ETV6: variants seen among roughly 807,000 people sequenced by gnomAD.
The protein encoded by ETV6 is ETS variant transcription factor 6, also known as transcription factor ETV6.
Under a neutral mutation model 51.1 loss-of-function variants are expected in ETV6, and 16 were observed. That is an observed-to-expected ratio of 0.31 (90% CI 0.21 to 0.48). The LOEUF is 0.48. Among genes scored for constraint, ETV6 ranks in the 20% least tolerant of loss-of-function variants. The probability of loss-of-function intolerance (pLI) is 0.99; values close to 1 mark genes in which losing one functional copy is unlikely to be tolerated. For synonymous variants in ETV6, 240 were observed against 224.1 expected, an observed-to-expected ratio of 1.07 and a Z score of -0.64; for missense variants, 458 against 594.8, an observed-to-expected ratio of 0.77 and a Z score of 2.39.
chr12:11,891,823 A>G lies in ETV6; in HGVS notation c.*777A>G, dbSNP rs1947292306. 2 of 336,188 alleles carry G rather than the reference A, an allele frequency of 5.9e-6. No homozygotes were observed. Among genetic ancestry groups the G allele is most frequent in the South Asian group, 3.9e-5 (1 of 25,744 alleles). The allele number at this position is 336,188 out of a possible 1,614,324, so 20.8% of individuals were successfully genotyped here. Reference sequence around the variant, plus strand: ...CTTTGTGGCCAGCAGCACAGAATCAAACCCGCATCCCAGCATTGGGCCACC... The same window carrying G: ...CTTTGTGGCCAGCAGCACAGAATCAGACCCGCATCCCAGCATTGGGCCACC... On this transcript the variant is annotated 3_prime_UTR_variant, in exon 8 of 8. Transcript: ENST00000396373.
intron 2 of ETV6, among the ~76,000 whole-genome samples, chr12:11,784,250 T>C (rs1034716206): frequency 1.3e-5 from 2 of 152,050 alleles, no homozygotes; most frequent in Non-Finnish European, 2.9e-5. Context: ...GCCAACATGT[T>C]GAAACCCCGT....
At chr12:11,842,511 C>T (rs986658914) in intron 3 of ETV6, among the ~76,000 whole-genome samples, 1 of 152,012 alleles carries the variant, frequency 6.6e-6, no homozygotes, top group African/African-American at 2.4e-5. Flanking sequence ...TCAATGTGGG[C>T]AGTGATTGTG....
chr12:11,712,008 G>A (rs1313970086), intron 1 of ETV6, among the ~76,000 whole-genome samples: 1 of 152,068 alleles, frequency 6.6e-6, no homozygotes, highest in East Asian at 1.9e-4. Flanking sequence ...ATTCTAGCCT[G>A]GCATCTGCGA....
At chr12:11,888,414 T>TTTTTTTTC (rs1947236122) in intron 7 of ETV6, among the ~76,000 whole-genome samples, 1 of 145,248 alleles carries the variant, frequency 6.9e-6, no homozygotes, top group African/African-American at 2.6e-5. Flanking sequence ...TTTTTTTTTT[T>TTTTTTTTC]AGACAGAGCC....
chr12:11,882,848 C>A (rs1424574868), intron 5 of ETV6, among the ~76,000 whole-genome samples: 3 of 152,240 alleles, frequency 2.0e-5, no homozygotes, highest in African/African-American at 7.2e-5. Context: ...CAAGTCTCAA[C>A]TGGACACTCC....
At chr12:11,765,670 C>G (rs982084030) in intron 2 of ETV6, among the ~76,000 whole-genome samples, 1 of 151,994 alleles carries the variant, frequency 6.6e-6, no homozygotes, top group African/African-American at 2.4e-5. Context: ...TGAGATATCT[C>G]CCCCTTCCTT....
intron 1 of ETV6, among the ~76,000 whole-genome samples, chr12:11,675,304 G>A (rs963800358): frequency 1.3e-5 from 2 of 152,212 alleles, no homozygotes; most frequent in African/African-American, 2.4e-5. Context: ...CAAAAATAAA[G>A]CAAATAAACA....
chr12:11,745,568 T>C (rs940923933), intron 1 of ETV6, among the ~76,000 whole-genome samples: 1 of 152,208 alleles, frequency 6.6e-6, no homozygotes, highest in African/African-American at 2.4e-5. Context: ...CTCTTGGGAA[T>C]GTGCATCTTT....
At chr12:11,651,319 C>G (rs1236974583) in intron 1 of ETV6, among the ~76,000 whole-genome samples, 1 of 152,154 alleles carries the variant, frequency 6.6e-6, no homozygotes, top group African/African-American at 2.4e-5. Flanking sequence ...AAAACCCTTC[C>G]TGGTTTAACA....
At chr12:11,681,355 G>T (rs139920111) in intron 1 of ETV6, among the ~76,000 whole-genome samples, 145 of 152,190 alleles carry the variant, frequency 9.5e-4, no homozygotes, top group African/African-American at 3.1e-3. Flanking sequence ...CTGCTGTGTT[G>T]TTGGTATTTT....
chr12:11,888,378 T>TTTTTC lies in ETV6; in HGVS notation c.1253+2372_1253+2376dup, dbSNP rs1213180522. Among the ~76,000 whole-genome samples the TTTTTC allele has an allele frequency of 2.3e-3, 319 of 136,008 alleles. 48 individuals are homozygous for TTTTTC. The Middle Eastern group carries it at 0.027, about 11-fold the overall frequency. 89.2% of individuals were successfully genotyped at this position (136,008 alleles called of 152,430 possible). A position where few individuals can be genotyped will look rare whatever the true frequency, so the allele number is the denominator to read the frequency against. On this transcript the variant is annotated intron_variant, in intron 7 of 7. Transcript: ENST00000396373. ...AGCCCTTAACTACACTACAATTTGCTTTTTCTTTTCTTTTCTTTTCTTTTT... is the reference window on the plus strand; with the variant it reads ...AGCCCTTAACTACACTACAATTTGCTTTTTCTTTTCTTTTCTTTTCTTTTCTTTTT...
intron 7 of ETV6, among the ~76,000 whole-genome samples, chr12:11,888,839 C>T (rs556124793): frequency 1.8e-4 from 27 of 152,116 alleles, no homozygotes; most frequent in African/African-American, 5.8e-4. Context: ...GTAGCTAGAG[C>T]GACTACAGGA....
intron 1 of ETV6, among the ~76,000 whole-genome samples, chr12:11,707,894 A>C (rs1478796820): frequency 1.3e-5 from 2 of 152,218 alleles, no homozygotes; most frequent in Non-Finnish European, 2.9e-5. Flanking sequence ...TGGTTATGAT[A>C]ATTTTAATCT....
At chr12:11,780,489 T>G (rs927776470) in intron 2 of ETV6, among the ~76,000 whole-genome samples, 1 of 152,142 alleles carries the variant, frequency 6.6e-6, no homozygotes, top group Non-Finnish European at 1.5e-5. Flanking sequence ...GGAGGTATAT[T>G]GGGCAGCTCA....
chr12:11,880,590 A>T (rs1470097350), intron 5 of ETV6, among the ~76,000 whole-genome samples: 1 of 152,210 alleles, frequency 6.6e-6, no homozygotes, highest in Non-Finnish European at 1.5e-5. Flanking sequence ...CAACAGAAAC[A>T]TGCAGTGAAA....
At chr12:11,817,751 G>T (rs1946013854) in intron 2 of ETV6, among the ~76,000 whole-genome samples, 1 of 152,146 alleles carries the variant, frequency 6.6e-6, no homozygotes, top group Non-Finnish European at 1.5e-5. Context: ...GGGTTCTGTG[G>T]GGAGTACAAA....
intron 2 of ETV6, among the ~76,000 whole-genome samples, chr12:11,828,174 C>T (rs1946187455): frequency 6.6e-6 from 1 of 152,142 alleles, no homozygotes; most frequent in African/African-American, 2.4e-5. Flanking sequence ...GCCTTAATGC[C>T]TCTTTGCTTT....
At chr12:11,710,923 C>G (rs1481913730) in intron 1 of ETV6, among the ~76,000 whole-genome samples, 1 of 152,126 alleles carries the variant, frequency 6.6e-6, no homozygotes, top group Non-Finnish European at 1.5e-5. Flanking sequence ...TAAGCAGATC[C>G]TGGAGGCTGC....
intron 1 of ETV6, among the ~76,000 whole-genome samples, chr12:11,711,730 G>C (rs1055962387): frequency 2.0e-5 from 3 of 152,218 alleles, no homozygotes; most frequent in Non-Finnish European, 4.4e-5. Flanking sequence ...CTTAATGACT[G>C]TAAAATGAAT....
Sources: gnomAD v4.1 joint callset for allele counts (sites outside exome capture counted in the v4.1 genomes callset) on GRCh38, gnomAD v4.1.1 for gene constraint, MANE v1.5 for transcripts, NCBI Gene and HGNC (gene_info 2026-07-23, HGNC 2026-07-21) for gene names.